CAMTA1: variants seen among roughly 807,000 people sequenced by gnomAD.
CAMTA1 encodes the protein calmodulin-binding transcription activator 1.
Under a neutral mutation model 170.9 loss-of-function variants are expected in CAMTA1, and 27 were observed. The observed-to-expected ratio is 0.16, with a 90% CI of 0.12 to 0.22. The LOEUF is 0.22. Among genes scored for constraint, CAMTA1 ranks in the 10% least tolerant of loss-of-function variants. The pLI, the probability that CAMTA1 is intolerant of heterozygous loss-of-function variation, is 1.00. For synonymous variants in CAMTA1, 833 were observed against 891.5 expected, an observed-to-expected ratio of 0.93 and a Z score of 1.17; for missense variants, 1,619 against 2,217.2, an observed-to-expected ratio of 0.73 and a Z score of 5.42.
Position 7,584,385 on chromosome 1 carries a change from G to T in CAMTA1, c.511-56015G>T, listed in dbSNP as rs1194469620. Among the ~76,000 whole-genome samples, 3 of 152,206 alleles carry T rather than the reference G, an allele frequency of 2.0e-5. No homozygotes were observed. The East Asian group carries it at 5.9e-4, about 30-fold the overall frequency. ...TCGCTCGGATTAGGCCTGCAGGCAG[G>T]CCAGGAGGAGATGATGTGGAGGGTG... is the stretch of plus-strand genomic sequence containing the variant. On this transcript the variant is annotated intron_variant, in intron 6 of 22. Transcript: ENST00000303635.
chr1:7,729,108 A>T (rs1457189122), intron 11 of CAMTA1, among the ~76,000 whole-genome samples: 1 of 149,794 alleles, frequency 6.7e-6, no homozygotes, highest in African/African-American at 2.4e-5. Flanking sequence ...AATTAATATG[A>T]GGAATCTTTT....
intron 3 of CAMTA1, among the ~76,000 whole-genome samples, chr1:6,878,981 T>G (rs1175052321): frequency 6.6e-6 from 1 of 152,248 alleles, no homozygotes; most frequent in Non-Finnish European, 1.5e-5. Context: ...AAGATGTTCA[T>G]TTCTTTTATC....
At chr1:7,088,461 T>A (rs1235005244) in intron 3 of CAMTA1, among the ~76,000 whole-genome samples, 1 of 152,188 alleles carries the variant, frequency 6.6e-6, no homozygotes, top group African/African-American at 2.4e-5. Context: ...GTGAGCTCTT[T>A]AACTGCACGC....
intron 3 of CAMTA1, among the ~76,000 whole-genome samples, chr1:6,867,739 A>G (rs1667076511): frequency 6.6e-6 from 1 of 152,116 alleles, no homozygotes; most frequent in South Asian, 2.1e-4. Context: ...CTGGTGATTG[A>G]TTTATTTATA....
intron 5 of CAMTA1, among the ~76,000 whole-genome samples, chr1:7,374,139 C>A (rs568137818): frequency 6.6e-6 from 1 of 152,212 alleles, no homozygotes; most frequent in Non-Finnish European, 1.5e-5. Flanking sequence ...AGGAAGCAGC[C>A]GGGCCCCTGA....
At chr1:7,025,193 C>T (rs1486785825) in intron 3 of CAMTA1, among the ~76,000 whole-genome samples, 2 of 152,194 alleles carry the variant, frequency 1.3e-5, no homozygotes, top group Admixed American at 1.3e-4. Context: ...CATTAATCAG[C>T]GTTTGGGGGA....
intron 7 of CAMTA1, among the ~76,000 whole-genome samples, chr1:7,647,467 T>A (rs1348584480): frequency 2.0e-5 from 3 of 152,140 alleles, no homozygotes; most frequent in Admixed American, 6.5e-5. Context: ...CAGGGAAGCC[T>A]GACTCCCCGG....
chr1:7,492,632 CACAA>C (rs1339533750), intron 6 of CAMTA1, among the ~76,000 whole-genome samples: 2 of 150,312 alleles, frequency 1.3e-5, no homozygotes, highest in South Asian at 2.1e-4. Context: ...TACACGCGCA[CACAA>C]ACACATACAA....
intron 3 of CAMTA1, among the ~76,000 whole-genome samples, chr1:6,977,882 G>C (rs1293244232): frequency 1.3e-5 from 2 of 152,208 alleles, no homozygotes; most frequent in Admixed American, 1.3e-4. Flanking sequence ...CCATAAAAAA[G>C]AGTGAGATCC....
intron 3 of CAMTA1, among the ~76,000 whole-genome samples, chr1:6,867,243 G>A (rs1666886082): frequency 1.3e-5 from 2 of 152,046 alleles, no homozygotes; most frequent in Middle Eastern, 3.4e-3. Flanking sequence ...TTTTGTGAAA[G>A]CTTTGATGTT....
chr1:7,689,044 A>G (rs1415221388), intron 11 of CAMTA1, among the ~76,000 whole-genome samples: 2 of 151,460 alleles, frequency 1.3e-5, no homozygotes, highest in African/African-American at 4.9e-5. Flanking sequence ...GGTGGATCAC[A>G]TAAGGTCAGG....
At chr1:7,495,760 T>A (rs2093816732) in intron 6 of CAMTA1, among the ~76,000 whole-genome samples, 1 of 152,198 alleles carries the variant, frequency 6.6e-6, no homozygotes, top group Non-Finnish European at 1.5e-5. Context: ...TCAGGGAGAT[T>A]TCTGCTCATA....
intron 10 of CAMTA1, among the ~76,000 whole-genome samples, chr1:7,676,332 G>T (rs1373428897): frequency 6.6e-6 from 1 of 152,184 alleles, no homozygotes; most frequent in Non-Finnish European, 1.5e-5. Flanking sequence ...TCCCAGCCAG[G>T]GTGGAAAACA....
intron 6 of CAMTA1, among the ~76,000 whole-genome samples, chr1:7,548,711 A>G (rs1242300651): frequency 7.1e-5 from 4 of 56,048 alleles, no homozygotes; most frequent in African/African-American, 9.8e-5. Context: ...GGAGGTGCCC[A>G]TGGAGGGTGC....
At chr1:7,688,015 T>TC (rs2149374933) in intron 11 of CAMTA1, among the ~76,000 whole-genome samples, 1 of 143,874 alleles carries the variant, frequency 7.0e-6, no homozygotes, top group East Asian at 2.0e-4. Flanking sequence ...TTATTCCTTT[T>TC]TTTTTTTTTT....
intron 5 of CAMTA1, among the ~76,000 whole-genome samples, chr1:7,281,970 G>A (rs1454842482): frequency 6.6e-6 from 1 of 152,144 alleles, no homozygotes; most frequent in African/African-American, 2.4e-5. Context: ...CCCAGGGCCA[G>A]GGCTTTCTGT....
At chr1:7,647,382 C>G (rs2095815504) in intron 7 of CAMTA1, among the ~76,000 whole-genome samples, 1 of 152,098 alleles carries the variant, frequency 6.6e-6, no homozygotes, top group South Asian at 2.1e-4. Context: ...CTTCCTGGGG[C>G]TCGCGGAGCC....
At chr1:6,909,927 A>G (rs528420311) in intron 3 of CAMTA1, among the ~76,000 whole-genome samples, 1 of 152,344 alleles carries the variant, frequency 6.6e-6, no homozygotes, top group South Asian at 2.1e-4. Flanking sequence ...CTCTGCATGT[A>G]CTTAGGCTGG....
chr1:7,628,758 T>C (rs1450345882), intron 6 of CAMTA1, among the ~76,000 whole-genome samples: 1 of 152,196 alleles, frequency 6.6e-6, no homozygotes, highest in African/African-American at 2.4e-5. Flanking sequence ...TTGGAGAGGA[T>C]GGAAGAGACA....
Sources: gnomAD v4.1 joint callset for allele counts (sites outside exome capture counted in the v4.1 genomes callset) on GRCh38, gnomAD v4.1.1 for gene constraint, MANE v1.5 for transcripts, NCBI Gene and HGNC (gene_info 2026-07-23, HGNC 2026-07-21) for gene names.